The following TOX variants were observed in gnomAD, a reference collection of about 807,000 sequenced individuals.
The protein encoded by TOX is thymocyte selection-associated high mobility group box protein TOX.
Under a neutral mutation model 53.7 loss-of-function variants are expected in TOX, and 11 were observed. The observed-to-expected ratio is 0.20, with a 90% CI of 0.13 to 0.34. TOX has a LOEUF of 0.34. Ranked by LOEUF, TOX falls within the 10% of genes least tolerant of loss-of-function variation. TOX has a pLI of 1.00. For missense variants in TOX, 570 were observed against 664.6 expected (o/e 0.86, Z 1.56); for synonymous variants, 225 against 245.3 (o/e 0.92, Z 0.77).
intron 1 of TOX, among the ~76,000 whole-genome samples, chr8:59,046,707 A>G (rs919230169): frequency 1.3e-5 from 2 of 151,826 alleles, no homozygotes; most frequent in Non-Finnish European, 2.9e-5. Context: ...AAAATACAAA[A>G]ATTAGCTGGG....
rs1374766431 is a variant in TOX at position 58,965,894 on chromosome 8, G to GCTTTTTTTTTTTTTTTTTTTTTT, written c.103-5887_103-5886insAAAAAAAAAAAAAAAAAAAAAAG. 6.0e-5 allele frequency among the ~76,000 whole-genome samples: 3 copies of GCTTTTTTTTTTTTTTTTTTTTTT among 49,616 alleles called. 1 individual carries two copies. The highest frequency in any genetic ancestry group is 2.3e-4 in the African/African-American group (3 of 13,030). The allele number at this position is 49,616 out of a possible 152,430, so 32.6% of individuals were successfully genotyped here. A position where few individuals can be genotyped will look rare whatever the true frequency, so the allele number is the denominator to read the frequency against. On this transcript the variant is annotated intron_variant, in intron 1 of 8. Coordinates refer to ENST00000361421, the MANE Select transcript of TOX (RefSeq NM_014729.3). Reference sequence around the variant, plus strand: ...GCCCAGTATAAGATTACGAGTCATCGTTTTTTTTTTTTTTTTTTTTTTTTT... The same window carrying GCTTTTTTTTTTTTTTTTTTTTTT: ...GCCCAGTATAAGATTACGAGTCATCGCTTTTTTTTTTTTTTTTTTTTTTTTTTTTTTTTTTTTTTTTTTTTTTT...
chr8:59,116,700 A>G (rs944430853), intron 1 of TOX, among the ~76,000 whole-genome samples: 1 of 152,210 alleles, frequency 6.6e-6, no homozygotes, highest in Non-Finnish European at 1.5e-5. Context: ...ACTATTAGAA[A>G]CATGTCTTAT....
chr8:58,959,646 C>T (rs1160225046), intron 2 of TOX, among the ~76,000 whole-genome samples: 4 of 152,180 alleles, frequency 2.6e-5, no homozygotes, highest in Non-Finnish European at 1.5e-5. Context: ...AAATATCCTG[C>T]ACCTGTAAAG....
chr8:58,871,040 T>C (rs1811187686), intron 3 of TOX, among the ~76,000 whole-genome samples: 1 of 152,084 alleles, frequency 6.6e-6, no homozygotes, highest in African/African-American at 2.4e-5. Flanking sequence ...CTTCAATACG[T>C]AAATGGATGA....
intron 1 of TOX, among the ~76,000 whole-genome samples, chr8:58,964,749 T>A (rs1037150817): frequency 6.6e-6 from 1 of 152,202 alleles, no homozygotes; most frequent in Admixed American, 6.5e-5. Context: ...TTTTCCACTA[T>A]GACATACTGC....
intron 5 of TOX, among the ~76,000 whole-genome samples, chr8:58,832,173 AAT>A (rs34527727): frequency 0.42 from 61,047 of 146,822 alleles, 14,110 homozygotes; most frequent in East Asian, 0.58. Flanking sequence ...TAATATATGT[AAT>A]ATATATATAA....
At chr8:58,881,017 T>A (rs1246682467) in intron 3 of TOX, among the ~76,000 whole-genome samples, 1 of 151,814 alleles carries the variant, frequency 6.6e-6, no homozygotes, top group Non-Finnish European at 1.5e-5. Flanking sequence ...TCCTGGTATC[T>A]GGGGTTGGGG....
intron 1 of TOX, among the ~76,000 whole-genome samples, chr8:59,043,579 G>A (rs1803632925): frequency 1.3e-5 from 2 of 152,076 alleles, no homozygotes; most frequent in Non-Finnish European, 2.9e-5. Flanking sequence ...TTATAGAAAA[G>A]GTGTTCCATA....
intron 1 of TOX, among the ~76,000 whole-genome samples, chr8:58,986,790 G>A (rs142460455): frequency 1.8e-3 from 269 of 152,196 alleles, no homozygotes; most frequent in African/African-American, 6.3e-3. Flanking sequence ...CTTATTAGCC[G>A]ATAAATGATA....
rs144578557 is a variant in TOX at position 58,900,503 on chromosome 8, C to G, written c.411+38799G>C. 2.3e-3 allele frequency among the ~76,000 whole-genome samples: 353 copies of G among 152,152 alleles called. 1 individual carries two copies. Among genetic ancestry groups the G allele is most frequent in the African/African-American group, 8.0e-3 (332 of 41,552 alleles). ...GCATTTTAATCATTTCTACTTTAAG[C>G]TGTTTTTAACTAATTTTTCAAGGTT... is the stretch of plus-strand genomic sequence containing the variant. On this transcript the variant is annotated intron_variant, in intron 3 of 8. Coordinates refer to ENST00000361421, the MANE Select transcript of TOX (RefSeq NM_014729.3).
rs576086147 is a variant in TOX at position 58,829,003 on chromosome 8, A to T, written c.925-2101T>A. Among the ~76,000 whole-genome samples the T allele has an allele frequency of 2.0e-5, 3 of 152,294 alleles. No individual in the cohort carries two copies. In the South Asian group the frequency reaches 6.2e-4, roughly 32 times the overall value. Reference sequence around the variant, plus strand: ...AGTGACTCCCATTCAGCTAACTAGGATGCGTTTTGCTTTCAAAGGCAAATA... The same window carrying T: ...AGTGACTCCCATTCAGCTAACTAGGTTGCGTTTTGCTTTCAAAGGCAAATA... On this transcript the variant is annotated intron_variant, in intron 5 of 8. Transcript: ENST00000361421.
At chr8:58,909,914 T>C (rs10088494) in intron 3 of TOX, among the ~76,000 whole-genome samples, 47,624 of 151,994 alleles carry the variant, frequency 0.31, 8,470 homozygotes, top group Non-Finnish European at 0.39. Flanking sequence ...TGCCTTGGCC[T>C]CCCAAAGTGC....
At chr8:58,984,889 C>T (rs1387492760) in intron 1 of TOX, among the ~76,000 whole-genome samples, 1 of 150,550 alleles carries the variant, frequency 6.6e-6, no homozygotes, top group South Asian at 2.1e-4. Flanking sequence ...GATGGTGCAA[C>T]TGGCTGTAGA....
chr8:58,921,704 GC>G (rs2129174792), intron 3 of TOX, among the ~76,000 whole-genome samples: 1 of 152,240 alleles, frequency 6.6e-6, no homozygotes, highest in South Asian at 2.1e-4. Flanking sequence ...CAAACTATTT[GC>G]CAATCAACCA....
intron 2 of TOX, among the ~76,000 whole-genome samples, chr8:58,955,331 G>A (rs764413006): frequency 6.6e-6 from 1 of 151,988 alleles, no homozygotes; most frequent in Non-Finnish European, 1.5e-5. Flanking sequence ...ACAAAAAATA[G>A]TTCAAGCTTA....
At chr8:59,007,471 C>G (rs1813813590) in intron 1 of TOX, among the ~76,000 whole-genome samples, 1 of 151,954 alleles carries the variant, frequency 6.6e-6, no homozygotes, top group African/African-American at 2.4e-5. Flanking sequence ...AACTGTAAAT[C>G]AAAGGCCTAT....
chr8:58,839,343 G>A (rs1208601377), intron 4 of TOX, among the ~76,000 whole-genome samples: 1 of 152,122 alleles, frequency 6.6e-6, no homozygotes, highest in Non-Finnish European at 1.5e-5. Context: ...CTACCATATC[G>A]GAGAGTGCAC....
intron 4 of TOX, among the ~76,000 whole-genome samples, chr8:58,849,569 A>G (rs1042424438): frequency 3.9e-5 from 6 of 152,190 alleles, no homozygotes; most frequent in African/African-American, 9.6e-5. Flanking sequence ...GAACCCATGA[A>G]TGTTAATTCT....
chr8:58,860,282 G>A (rs547962262), intron 3 of TOX, among the ~76,000 whole-genome samples: 6 of 152,174 alleles, frequency 3.9e-5, no homozygotes, highest in South Asian at 2.1e-4. Flanking sequence ...TATTTATTGA[G>A]TGCCTGCTAT....
Sources: gnomAD v4.1 joint callset for allele counts (sites outside exome capture counted in the v4.1 genomes callset) on GRCh38, gnomAD v4.1.1 for gene constraint, MANE v1.5 for transcripts, NCBI Gene and HGNC (gene_info 2026-07-23, HGNC 2026-07-21) for gene names.